SPTBN4: variants seen among roughly 807,000 people sequenced by gnomAD.
SPTBN4 encodes the protein spectrin beta chain, non-erythrocytic 4.
In SPTBN4, 96 loss-of-function variants were observed where a neutral mutation model predicts 277.8. The ratio of observed to expected loss-of-function variants is 0.35; its 90% confidence interval spans 0.29 to 0.41. The LOEUF is 0.41. SPTBN4 is among the 10% of genes least tolerant of loss of function. The pLI is 1.00. For synonymous variants in SPTBN4, 1,481 were observed against 1,580.3 expected (o/e 0.94, Z 1.49); for missense variants, 3,006 against 3,595.7 (o/e 0.84, Z 4.19).
In SPTBN4 at chr19:40,513,035, C is replaced by T; in HGVS notation, c.2246C>T (p.Ala749Val). 2 of 1,420,588 alleles carry T rather than the reference C, an allele frequency of 1.4e-6. No homozygotes were observed. Among genetic ancestry groups the T allele is most frequent in the South Asian group, 1.4e-5 (1 of 70,392 alleles). 88.0% of individuals were successfully genotyped at this position (1,420,588 alleles called of 1,614,324 possible). A position where few individuals can be genotyped will look rare whatever the true frequency, so the allele number is the denominator to read the frequency against. Residue 749 changes from alanine to valine, a missense_variant, in exon 14 of 36, where the codon GCG (alanine) becomes GTG (valine). Physicochemically the swap from Ala to Val is moderately conservative, Grantham distance 64. Coordinates refer to ENST00000598249, the MANE Select transcript of SPTBN4 (RefSeq NM_020971.3). Reference protein sequence around the residue: ...VHLVGLAERAASARRRWQRLE... With the variant: ...VHLVGLAERAVSARRRWQRLE... The stretch of plus-strand genomic sequence containing the variant: ...CTGGTAGGCCTGGCGGAGCGCGCGG[C>T]GAGCGCCCGGCGCCGCTGGCAGAGG...
At chr19:40,534,483 A>G in intron 20 of SPTBN4, 140 bp downstream of exon 20, 1 of 1,146,722 alleles carries the variant, frequency 8.7e-7, no homozygotes, top group Non-Finnish European at 1.2e-6. Context: ...GAGAAAGGGA[A>G]TATTGAAGCA....
rs190365224 is a variant in SPTBN4, at chr19:40,553,015, T to C, written c.4675-1132T>C. Among the ~76,000 whole-genome samples the C allele has an allele frequency of 4.9e-3, 751 of 152,370 alleles. 9 individuals carry two copies. The highest frequency in any genetic ancestry group is 0.017 in the African/African-American group (720 of 41,590). On this transcript the variant is annotated intron_variant, in intron 22 of 35. Transcript: ENST00000598249. ...TTATCTCAGCCTGATACTAGCTGTGTGACCTTAGCAAATTCCTCACCCTCT... is the reference window on the plus strand; with the variant it reads ...TTATCTCAGCCTGATACTAGCTGTGCGACCTTAGCAAATTCCTCACCCTCT...
Position 40,568,080 on chromosome 19 carries a change from C to G in SPTBN4, c.6754C>G (p.Gln2252Glu). 1 of 1,563,714 alleles carries G rather than the reference C, an allele frequency of 6.4e-7. No individual in the cohort carries two copies. The highest frequency in any genetic ancestry group is 1.4e-5 in the African/African-American group (1 of 73,888). ...ELPRRRRPER[Q>E]ESVDQSEEAA... The stretch of plus-strand genomic sequence containing the variant: ...GCCCAGGAGGCGGCGGCCTGAGCGG[C>G]AAGAGTCAGTCGATCAATCCGAGGA... The change falls in exon 31 of 36, where the codon CAA becomes GAA. Residue 2252 changes from glutamine to glutamate, a missense_variant. Physicochemically the swap from Gln to Glu is conservative, Grantham distance 29. Transcript: ENST00000598249.
In SPTBN4 at chr19:40,570,553, C is replaced by A; in HGVS notation, c.7144C>A (p.Arg2382=). 1 of 1,355,254 alleles carries A rather than the reference C, an allele frequency of 7.4e-7. No homozygotes were observed. Among genetic ancestry groups the A allele is most frequent in the South Asian group, 1.8e-5 (1 of 54,482 alleles). 84.0% of individuals were successfully genotyped at this position (1,355,254 alleles called of 1,614,324 possible). ...PRARDRPKPR[R]RPRPREGGEG... ...GGCGCGGGACCGGCCCAAGCCGCGA[C>A]GGCGGCCGCGGCCCAGAGAGGGTGG... The change falls in exon 33 of 36, where the codon CGG becomes AGG. Residue 2382 remains arginine (R), a synonymous_variant. Transcript: ENST00000598249.
Position 40,567,686 on chromosome 19 carries a change from G to C in SPTBN4, c.6360G>C (p.Gln2120His). The stretch of plus-strand genomic sequence containing the variant: ...AGATCGAGAAAATCAAAGCGGAACA[G>C]AGCAAGCAGCCGCCTACCCCACTGC... ...LTTIEKIKAE[Q>H]SKQPPTPLLG... Residue 2120 changes from glutamine (Q) to histidine (H), a missense_variant, in exon 31 of 36, where the codon CAG becomes CAC. By Grantham distance (24) the Gln-to-His change is conservative. This residue lies in a region of SPTBN4 where 630 missense variants were observed against 677.6 expected (regional missense o/e 0.93). Coordinates refer to ENST00000598249, the MANE Select transcript of SPTBN4 (RefSeq NM_020971.3). The C allele has an allele frequency of 1.3e-6, 2 of 1,524,108 alleles. No homozygotes were observed. Among genetic ancestry groups the C allele is most frequent in the South Asian group, 1.2e-5 (1 of 84,016 alleles). The allele number at this position is 1,524,108 out of a possible 1,614,324, so 94.4% of individuals were successfully genotyped here.
intron 6 of SPTBN4, among the ~76,000 whole-genome samples, chr19:40,496,151 A>T (rs1226483793): frequency 6.6e-6 from 1 of 151,908 alleles, no homozygotes; most frequent in African/African-American, 2.4e-5. Context: ...TGCTATTTTT[A>T]TTTATTTATT....
At chr19:40,550,961 G>A (rs1393607049) in intron 22 of SPTBN4, among the ~76,000 whole-genome samples, 1 of 152,196 alleles carries the variant, frequency 6.6e-6, no homozygotes, top group African/African-American at 2.4e-5. Flanking sequence ...GTAGTCTCAG[G>A]AATAACTCTC....
Position 40,565,487 on chromosome 19 carries a change from C to A in SPTBN4, c.5980C>A (p.Arg1994=). The A allele has an allele frequency of 6.2e-7, 1 of 1,614,084 alleles. No homozygotes were observed. Among genetic ancestry groups the A allele is most frequent in the Non-Finnish European group, 8.5e-7 (1 of 1,180,018 alleles). ...HQGLKTELEA[R]VPELTTCQEL... ...GGGCCTGAAGACTGAGCTGGAGGCG[C>A]GGGTGCCTGAGCTGACCACCTGCCA... The change falls in exon 28 of 36, where the codon CGG becomes AGG. Residue 1994 remains arginine, a synonymous_variant. Transcript: ENST00000598249.
chr19:40,491,347 G>A (rs1180625410), intron 4 of SPTBN4, among the ~76,000 whole-genome samples: 2 of 152,278 alleles, frequency 1.3e-5, no homozygotes, highest in Non-Finnish European at 1.5e-5. Flanking sequence ...GGGATGGAAG[G>A]GGCTAGGTGA....
At chr19:40,482,644 A>G (rs2080025316) in intron 2 of SPTBN4, among the ~76,000 whole-genome samples, 1 of 152,252 alleles carries the variant, frequency 6.6e-6, no homozygotes, top group Non-Finnish European at 1.5e-5. Flanking sequence ...ACATTTTTAT[A>G]AAACGCAGTC....
rs992853287 is a variant in SPTBN4 at position 40,515,574 on chromosome 19, G to A, written c.2903+126G>A. ...TGGCCACCCGATAAATCAACAAAAT[G>A]TTGACCAAAAATCATAATCCCTGAT... is the stretch of plus-strand genomic sequence containing the variant. On this transcript the variant is annotated intron_variant, in intron 15 of 35. Coordinates refer to ENST00000598249, the MANE Select transcript of SPTBN4 (RefSeq NM_020971.3). The surrounding 1 kb of genome is among the most constrained non-coding windows in gnomAD (Gnocchi z 4.1). The A allele has an allele frequency of 2.7e-5, 32 of 1,184,992 alleles. No individual in the cohort carries two copies. The highest frequency in any genetic ancestry group is 3.4e-5 in the Non-Finnish European group (30 of 891,512). 73.4% of individuals were successfully genotyped at this position (1,184,992 alleles called of 1,614,324 possible).
chr19:40,506,952 C>G (rs536085132), intron 13 of SPTBN4, among the ~76,000 whole-genome samples: 2 of 152,252 alleles, frequency 1.3e-5, no homozygotes, highest in Admixed American at 6.5e-5. Context: ...CCACTACACT[C>G]CAGCCTGGGT....
intron 2 of SPTBN4, among the ~76,000 whole-genome samples, chr19:40,479,699 TATA>T: frequency 6.8e-6 from 1 of 146,644 alleles, no homozygotes; most frequent in African/African-American, 2.5e-5. Context: ...TATATATATA[TATA>T]TTTAACTTTT....
At chr19:40,553,121 G>T (rs1339050861) in intron 22 of SPTBN4, among the ~76,000 whole-genome samples, 2 of 152,156 alleles carry the variant, frequency 1.3e-5, no homozygotes, top group Non-Finnish European at 2.9e-5. Flanking sequence ...GAGGTGTGAG[G>T]CTATATTATG....
chr19:40,512,641 C>G lies in SPTBN4; in HGVS notation c.1852C>G (p.Arg618Gly). Residue 618 changes from arginine to glycine, a missense_variant, in exon 14 of 36, where the codon CGC (arginine) becomes GGC (glycine). Physicochemically the swap from Arg to Gly is moderately radical, Grantham distance 125 (BLOSUM62 -2). This residue lies in a region of SPTBN4 where 1,759 missense variants were observed against 2,061.5 expected (regional missense o/e 0.85). Coordinates refer to ENST00000598249, the MANE Select transcript of SPTBN4 (RefSeq NM_020971.3). The stretch of plus-strand genomic sequence containing the variant: ...CTGCGACCCGCAGGTCATCTGCAAC[C>G]GCGTGAACCACGTGCACGGCTGCCT... Reference protein sequence around the residue: ...QPCDPQVICNRVNHVHGCLAE... With the variant: ...QPCDPQVICNGVNHVHGCLAE... The G allele has an allele frequency of 6.5e-7, 1 of 1,541,896 alleles. No individual in the cohort carries two copies. Among genetic ancestry groups the G allele is most frequent in the African/African-American group, 1.4e-5 (1 of 72,152 alleles).
At chr19:40,572,632 GGTGAGACTGGAAT>G in intron 35 of SPTBN4, 1 of 540,472 alleles carries the variant, frequency 1.9e-6, no homozygotes, top group Non-Finnish European at 3.3e-6. Flanking sequence ...TGGTCACTCA[GGTGAGACTGGAAT>G]GGAGGGAGTT....
intron 3 of SPTBN4, 58 bp downstream of exon 3, chr19:40,487,906 T>C: frequency 1.3e-6 from 2 of 1,501,016 alleles, no homozygotes; most frequent in East Asian, 2.4e-5. Context: ...GGCTGGGGGT[T>C]GGGCTTCTCT....
In SPTBN4 at chr19:40,549,622, T is replaced by G. The variant is rs371605112; in HGVS notation, c.4584+209T>G. Among the ~76,000 whole-genome samples the G allele has an allele frequency of 4.6e-5, 7 of 152,384 alleles. No individual in the cohort carries two copies. In the South Asian group the frequency reaches 1.0e-3, roughly 23 times the overall value. On this transcript the variant is annotated intron_variant, in intron 21 of 35. Transcript: ENST00000598249. Reference sequence around the variant, plus strand: ...TTTATTCATGAAGTCACTCATTTATTTATTCACTCATCCATAGTTTGTTCT... The same window carrying G: ...TTTATTCATGAAGTCACTCATTTATGTATTCACTCATCCATAGTTTGTTCT...
chr19:40,568,932 C>G (rs538128369), intron 31 of SPTBN4, among the ~76,000 whole-genome samples: 2 of 152,266 alleles, frequency 1.3e-5, no homozygotes, highest in Admixed American at 1.3e-4. Context: ...CCCACTCTGC[C>G]TGGCATGTGC....
Sources: allele counts gnomAD v4.1 joint callset (sites outside exome capture counted in the v4.1 genomes callset), GRCh38; gene constraint gnomAD v4.1.1; regional missense constraint gnomAD v4.1.1; non-coding constraint Gnocchi (gnomAD v3.1); transcripts MANE v1.5; gene names NCBI Gene and HGNC (gene_info 2026-07-23, HGNC 2026-07-21).